SYNE2: variants seen among roughly 807,000 people sequenced by gnomAD.
SYNE2 encodes spectrin repeat containing nuclear envelope protein 2.
SYNE2 carries 431 observed loss-of-function variants against 856.3 expected under a neutral mutation model. That is an observed-to-expected ratio of 0.50 (90% CI 0.47 to 0.55). The LOEUF is 0.55. Ranked by LOEUF, SYNE2 falls within the 20% of genes least tolerant of loss-of-function variation. SYNE2 has a pLI of 0.00. For missense variants in SYNE2, 8,129 were observed against 8,023.2 expected (o/e 1.01, Z -0.50); for synonymous variants, 2,923 against 2,872.3 (o/e 1.02, Z -0.56).
intron 1 of SYNE2, among the ~76,000 whole-genome samples, chr14:63,838,814 C>T (rs970564940): frequency 2.0e-5 from 3 of 151,432 alleles, no homozygotes; most frequent in Admixed American, 6.6e-5. Flanking sequence ...TCCTAGCCTA[C>T]GTGTACATTT....
chr14:63,827,851 C>T (rs1889514823), intron 1 of SYNE2, among the ~76,000 whole-genome samples: 1 of 151,410 alleles, frequency 6.6e-6, no homozygotes, highest in African/African-American at 2.4e-5. Context: ...ACAGTAAGCC[C>T]TTCATATCCA....
intron 112 of SYNE2, among the ~76,000 whole-genome samples, chr14:64,221,948 C>G (rs2098696186): frequency 6.6e-6 from 1 of 152,104 alleles, no homozygotes; most frequent in Non-Finnish European, 1.5e-5. Flanking sequence ...CATAGGTGCT[C>G]TCGATATCCT....
intron 100 of SYNE2, among the ~76,000 whole-genome samples, chr14:64,206,094 C>G (rs890561653): frequency 3.3e-5 from 5 of 152,118 alleles, no homozygotes; most frequent in African/African-American, 1.2e-4. Context: ...TTTTTGGTTC[C>G]TTTTTATTCT....
intron 78 of SYNE2, among the ~76,000 whole-genome samples, chr14:64,134,959 C>G (rs946395434): frequency 2.6e-5 from 4 of 152,164 alleles, no homozygotes; most frequent in Admixed American, 6.5e-5. Context: ...TGCGCTCCAG[C>G]CTGGGTGACA....
intron 94 of SYNE2, among the ~76,000 whole-genome samples, chr14:64,170,674 C>G (rs951422266): frequency 6.6e-6 from 1 of 152,080 alleles, no homozygotes; most frequent in African/African-American, 2.4e-5. Context: ...TCCAGAAATA[C>G]TAGGGTTCTC....
chr14:64,148,828 C>T (rs140674790), intron 84 of SYNE2, among the ~76,000 whole-genome samples: 22 of 152,244 alleles, frequency 1.4e-4, no homozygotes, highest in African/African-American at 5.1e-4. Context: ...CTGTCGTCTA[C>T]CAGATTGTGG....
intron 21 of SYNE2, among the ~76,000 whole-genome samples, chr14:63,991,448 G>A (rs1346067971): frequency 1.3e-5 from 2 of 152,150 alleles, no homozygotes; most frequent in South Asian, 2.1e-4. Flanking sequence ...TCCAGCTGTC[G>A]GATTTGTTGT....
At chr14:64,224,181 C>CAAAACAAAA (rs2098707379) in intron 113 of SYNE2, among the ~76,000 whole-genome samples, 1 of 74,748 alleles carries the variant, frequency 1.3e-5, no homozygotes, top group African/African-American at 5.5e-5. Flanking sequence ...CCCGTCTCTG[C>CAAAACAAAA]AAAAAAAAAA....
intron 22 of SYNE2, 105 bp downstream of exon 22, chr14:63,994,074 C>A: frequency 8.5e-7 from 1 of 1,180,808 alleles, no homozygotes; most frequent in Non-Finnish European, 1.2e-6. Context: ...GTTGTATCAC[C>A]AGTGGGCTGG....
At chr14:64,164,013 G>A (rs528270763) in intron 89 of SYNE2, among the ~76,000 whole-genome samples, 3 of 152,122 alleles carry the variant, frequency 2.0e-5, no homozygotes, top group South Asian at 4.2e-4. Context: ...TCCACCTCCC[G>A]GGTTCAAGCG....
intron 113 of SYNE2, among the ~76,000 whole-genome samples, chr14:64,224,181 C>CAA (rs35804232): frequency 0.016 from 1,182 of 74,694 alleles, 22 homozygotes; most frequent in Non-Finnish European, 0.022. Flanking sequence ...CCCGTCTCTG[C>CAA]AAAAAAAAAA....
At chr14:64,215,433 GT>G in intron 107 of SYNE2, 79 bp downstream of exon 107, 1 of 1,405,506 alleles carries the variant, frequency 7.1e-7, no homozygotes, top group South Asian at 1.1e-5. Context: ...CTCCCATGTC[GT>G]GTCTACCTCT....
intron 5 of SYNE2, 30 bp downstream of exon 5, chr14:63,941,992 A>T: frequency 6.2e-7 from 1 of 1,604,184 alleles, no homozygotes; most frequent in African/African-American, 1.3e-5. Flanking sequence ...AAAAATTCAC[A>T]GGAGAGATTA....
At chr14:64,168,148 G>A (rs1218953334) in intron 92 of SYNE2, among the ~76,000 whole-genome samples, 1 of 152,174 alleles carries the variant, frequency 6.6e-6, no homozygotes, top group Non-Finnish European at 1.5e-5. Flanking sequence ...CTGTCACCCA[G>A]GCTGGAGTGC....
chr14:64,137,667 T>G, intron 78 of SYNE2, 120 bp from the exon 79 acceptor site: 1 of 1,028,540 alleles, frequency 9.7e-7, no homozygotes, highest in South Asian at 1.4e-5. Context: ...TCTTGAATGT[T>G]GGGAAAGTGT....
intron 22 of SYNE2, among the ~76,000 whole-genome samples, chr14:63,994,757 C>T (rs545365579): frequency 3.3e-5 from 5 of 152,090 alleles, no homozygotes; most frequent in Non-Finnish European, 7.4e-5. Flanking sequence ...TCCTTGGGCT[C>T]AGTTATCTGT....
At chr14:63,805,542 C>T (rs1175044742) in intron 1 of SYNE2, among the ~76,000 whole-genome samples, 2 of 152,164 alleles carry the variant, frequency 1.3e-5, no homozygotes, top group African/African-American at 2.4e-5. Context: ...CGCCCGCCAC[C>T]ACGCCCGGCT....
At chr14:63,772,371 C>T (rs1886951655) in intron 1 of SYNE2, among the ~76,000 whole-genome samples, 1 of 150,042 alleles carries the variant, frequency 6.7e-6, no homozygotes, top group Non-Finnish European at 1.5e-5. Context: ...AAAAAACAAA[C>T]AAACAAAAAA....
At chr14:63,778,571 G>A (rs1408259815) in intron 1 of SYNE2, among the ~76,000 whole-genome samples, 1 of 151,990 alleles carries the variant, frequency 6.6e-6, no homozygotes, top group Admixed American at 6.6e-5. Flanking sequence ...CTATAGTGCA[G>A]TGGCATGATT....
Sources: allele counts gnomAD v4.1 joint callset (sites outside exome capture counted in the v4.1 genomes callset), GRCh38; gene constraint gnomAD v4.1.1; transcripts MANE v1.5; gene names NCBI Gene and HGNC (gene_info 2026-07-23, HGNC 2026-07-21).